The following LRRC66 variants were observed in gnomAD, a reference collection of about 807,000 sequenced individuals.
The protein encoded by LRRC66 is leucine rich repeat containing 66, also known as leucine-rich repeat-containing protein 66.
LRRC66 carries 29 observed loss-of-function variants against 24.6 expected under a neutral mutation model. The ratio of observed to expected loss-of-function variants is 1.18; its 90% CI spans 0.88 to 1.61. LRRC66 has a LOEUF of 1.61. LRRC66 is among the 40% of genes most tolerant of loss of function. The pLI is 0.00. For missense variants in LRRC66, 1,124 were observed against 1,058.0 expected, an observed-to-expected ratio of 1.06 and a Z score of -0.87; for synonymous variants, 411 against 397.6, an observed-to-expected ratio of 1.03 and a Z score of -0.40.
intron 2 of LRRC66, among the ~76,000 whole-genome samples, chr4:52,003,936 T>G (rs1017269664): frequency 1.3e-5 from 2 of 152,214 alleles, no homozygotes; most frequent in East Asian, 3.8e-4. Context: ...TGCTAAACAA[T>G]AGAGGAAAAA....
chr4:52,005,602 C>CA (rs3066999), intron 2 of LRRC66, among the ~76,000 whole-genome samples: 9 of 145,550 alleles, frequency 6.2e-5, no homozygotes, highest in Non-Finnish European at 9.0e-5. Flanking sequence ...AAACAAACAA[C>CA]AAAAAAAAAA....
At position 52,017,349 on chromosome 4, in the gene LRRC66, G is replaced by A; in HGVS notation, c.265C>T (p.His89Tyr). 2 of 1,614,126 alleles carry A rather than the reference G, an allele frequency of 1.2e-6. No individual in the cohort carries two copies. The highest frequency in any genetic ancestry group is 8.5e-7 in the Non-Finnish European group (1 of 1,179,990). Residue 89 changes from histidine to tyrosine, a missense_variant, in exon 2 of 5, where the codon CAT (histidine) becomes TAT (tyrosine). By Grantham distance (83) the His-to-Tyr change is moderately conservative. Transcript: ENST00000682860. ...HTKKEEWKIK[H>Y]LDLSNNLISK... ...ATGAGATTGTTACTGAGGTCCAGATGTTTTATTTTCCACTCTTCTTTTTTC... is the reference window on the plus strand; with the variant it reads ...ATGAGATTGTTACTGAGGTCCAGATATTTTATTTTCCACTCTTCTTTTTTC...
intron 3 of LRRC66, 61 bp downstream of exon 3, chr4:52,003,162 C>A: frequency 7.6e-7 from 1 of 1,309,994 alleles, no homozygotes; most frequent in Non-Finnish European, 1.1e-6. Flanking sequence ...TAGAAATATG[C>A]TTCTAATGTA....
At chr4:52,002,752 A>G (rs530463661) in intron 3 of LRRC66, among the ~76,000 whole-genome samples, 3 of 152,226 alleles carry the variant, frequency 2.0e-5, no homozygotes, top group African/African-American at 7.2e-5. Flanking sequence ...TGGAAGCAAC[A>G]GGGTCACTGG....
In LRRC66 at chr4:51,994,239, C is replaced by T; in HGVS notation, c.*140G>A. 1.2e-6 allele frequency: 1 copy of T among 804,858 alleles called. No individual in the cohort carries two copies. Among genetic ancestry groups the T allele is most frequent in the Non-Finnish European group, 1.9e-6 (1 of 525,406 alleles). 49.9% of individuals were successfully genotyped at this position (804,858 alleles called of 1,614,324 possible). A position where few individuals can be genotyped will look rare whatever the true frequency, so the allele number is the denominator to read the frequency against. ...CGCCCTCAAGTGGGCCCACAAAACC[C>T]TCATTTGCATCAGTGTCCACTTGGT... On this transcript the variant is annotated 3_prime_UTR_variant, in exon 5 of 5. Transcript: ENST00000682860.
In LRRC66 at chr4:52,003,328, C is replaced by T. The variant is rs192563540; in HGVS notation, c.561G>A (p.Gly187=). 6.2e-7 allele frequency: 1 copy of T among 1,613,772 alleles called. No individual in the cohort carries two copies. Among genetic ancestry groups the T allele is most frequent in the Admixed American group, 1.7e-5 (1 of 60,008 alleles). ...GCAGGCAGTTGTGAAAATCAGACCA[C>T]CCTATTTGCAATATCCCATTGAATG... ...DLSFNGILQI[G]WSDFHNCLQL... is the part of the protein sequence containing the mutation. Residue 187 remains glycine (G), a synonymous_variant, in exon 3 of 5, where the codon GGG becomes GGA. Coordinates refer to ENST00000682860, the MANE Select transcript of LRRC66 (RefSeq NM_001024611.3).
At chr4:52,018,461 G>A in intron 1 of LRRC66, 2 of 985,358 alleles carry the variant, frequency 2.0e-6, no homozygotes, top group Non-Finnish European at 1.2e-6. Context: ...ACATTATTGA[G>A]TATATGAGTT....
chr4:52,014,806 A>C (rs1447558569), intron 2 of LRRC66, among the ~76,000 whole-genome samples: 1 of 152,208 alleles, frequency 6.6e-6, no homozygotes, highest in African/African-American at 2.4e-5. Flanking sequence ...CATGCCTTAC[A>C]CTGAACTTCC....
chr4:52,018,561 C>T (rs1457251544), intron 1 of LRRC66: 2 of 985,300 alleles, frequency 2.0e-6, no homozygotes, highest in African/African-American at 3.5e-5. Flanking sequence ...GCTTAACTGA[C>T]TTTCTTGCCT....
chr4:51,998,077 G>A lies in LRRC66; in HGVS notation c.667-140C>T, dbSNP rs114619697. ...CACTGGTTTACAAGTCAGGGAATTA[G>A]TGGGGTTTTAAGTCTCTGTTCTACC... On this transcript the variant is annotated intron_variant, in intron 3 of 4. Coordinates refer to ENST00000682860, the MANE Select transcript of LRRC66 (RefSeq NM_001024611.3). 517 of 728,524 alleles carry A rather than the reference G, an allele frequency of 7.1e-4. 2 individuals are homozygous for A. In the African/African-American group the frequency reaches 8.4e-3, roughly 12 times the overall value. 45.1% of individuals were successfully genotyped at this position (728,524 alleles called of 1,614,324 possible). A position where few individuals can be genotyped will look rare whatever the true frequency, so the allele number is the denominator to read the frequency against.
intron 3 of LRRC66, among the ~76,000 whole-genome samples, chr4:51,998,940 T>C (rs1030253274): frequency 2.6e-5 from 4 of 152,204 alleles, no homozygotes; most frequent in African/African-American, 4.8e-5. Context: ...ACCTAGTACA[T>C]AGCAGGTGCT....
At chr4:52,002,050 T>C (rs1351468467) in intron 3 of LRRC66, among the ~76,000 whole-genome samples, 3 of 152,200 alleles carry the variant, frequency 2.0e-5, no homozygotes, top group Non-Finnish European at 2.9e-5. Context: ...AGAGCTTACA[T>C]GTAGCTATAG....
At chr4:52,008,912 A>G (rs1193811376) in intron 2 of LRRC66, among the ~76,000 whole-genome samples, 2 of 152,174 alleles carry the variant, frequency 1.3e-5, no homozygotes, top group Non-Finnish European at 2.9e-5. Context: ...CAAAGATAGT[A>G]AAAACATATT....
At position 51,995,982 on chromosome 4, in the gene LRRC66, T is replaced by C. The variant is rs989783473; in HGVS notation, c.1040A>G (p.Lys347Arg). 17 of 1,613,866 alleles carry C rather than the reference T, an allele frequency of 1.1e-5. No individual in the cohort carries two copies. Among genetic ancestry groups the C allele is most frequent in the Non-Finnish European group, 7.6e-6 (9 of 1,179,968 alleles). ...KKAKAGSGLR[K>R]KQRRLPRSVR... The stretch of plus-strand genomic sequence containing the variant: ...ACTCCTTGGCAGCCGTCTCTGCTTC[T>C]TCCTGAGACCAGAGCCGGCCTTTGC... Residue 347 changes from lysine to arginine, a missense_variant, in exon 5 of 5, where the codon AAG becomes AGG. Transcript: ENST00000682860.
At chr4:52,013,417 T>G (rs1481255757) in intron 2 of LRRC66, among the ~76,000 whole-genome samples, 1 of 152,186 alleles carries the variant, frequency 6.6e-6, no homozygotes, top group African/African-American at 2.4e-5. Flanking sequence ...CCCAACAAGA[T>G]GTTGTTCCTG....
chr4:52,008,212 A>G (rs1345252709), intron 2 of LRRC66, among the ~76,000 whole-genome samples: 1 of 152,146 alleles, frequency 6.6e-6, no homozygotes, highest in Admixed American at 6.5e-5. Context: ...GCTGGCCCTG[A>G]CTGGTGGGAT....
rs1040833611 is a variant in LRRC66, at chr4:51,996,241, G to C, written c.857-76C>G. On this transcript the variant is annotated intron_variant, in intron 4 of 4. Coordinates refer to ENST00000682860, the MANE Select transcript of LRRC66 (RefSeq NM_001024611.3). The stretch of plus-strand genomic sequence containing the variant: ...TTCAGGGGTTTTTCTCTTTTTTACA[G>C]AATTGAAAAAAATTCAATTTTTTTG... 7.2e-6 allele frequency: 10 copies of C among 1,388,870 alleles called. No individual in the cohort carries two copies. In the Admixed American group the frequency reaches 1.3e-4, roughly 18 times the overall value. The allele number at this position is 1,388,870 out of a possible 1,614,324, so 86.0% of individuals were successfully genotyped here. A position where few individuals can be genotyped will look rare whatever the true frequency, so the allele number is the denominator to read the frequency against.
chr4:51,998,852 C>G (rs1736382782), intron 3 of LRRC66, among the ~76,000 whole-genome samples: 1 of 152,190 alleles, frequency 6.6e-6, no homozygotes, highest in Admixed American at 6.5e-5. Flanking sequence ...CTGATCTCAA[C>G]AATTTCCTCA....
In LRRC66 at chr4:52,017,634, T is replaced by C; in HGVS notation, c.-5-16A>G. 1 of 1,520,764 alleles carries C rather than the reference T, an allele frequency of 6.6e-7. No individual in the cohort carries two copies. The highest frequency in any genetic ancestry group is 8.7e-7 in the Non-Finnish European group (1 of 1,145,940). 94.2% of individuals were successfully genotyped at this position (1,520,764 alleles called of 1,614,324 possible). On this transcript the variant is annotated splice_polypyrimidine_tract_variant and intron_variant, in intron 1 of 4. Transcript: ENST00000682860. ...TTCATAATGCCTGGAAAAAGGAAAA[T>C]GAATTGACTTATTCACAATAATATA...
Sources: gnomAD v4.1 joint callset for allele counts (sites outside exome capture counted in the v4.1 genomes callset) on GRCh38, gnomAD v4.1.1 for gene constraint, MANE v1.5 for transcripts, NCBI Gene and HGNC (gene_info 2026-07-23, HGNC 2026-07-21) for gene names.